Variants in CNTN4 observed in about 807,000 individuals in gnomAD.
CNTN4 encodes the protein contactin 4.
Under a neutral mutation model 122.5 loss-of-function variants are expected in CNTN4, and 77 were observed. The ratio of observed to expected loss-of-function variants is 0.63; its 90% CI spans 0.52 to 0.76. CNTN4 has a LOEUF of 0.76. CNTN4 is among the 30% of genes least tolerant of loss of function. CNTN4 has a pLI of 0.00. For synonymous variants in CNTN4, 512 were observed against 447.0 expected, an observed-to-expected ratio of 1.15 and a Z score of -1.83; for missense variants, 1,256 against 1,259.1, an observed-to-expected ratio of 1.00 and a Z score of 0.04.
chr3:2,840,183 TAAC>T (rs1444465949), intron 7 of CNTN4, among the ~76,000 whole-genome samples: 1 of 152,114 alleles, frequency 6.6e-6, no homozygotes. Flanking sequence ...GTCATTCTTA[TAAC>T]AACATAGCCT....
At chr3:2,916,901 G>A (rs1472436562) in intron 12 of CNTN4, among the ~76,000 whole-genome samples, 2 of 150,534 alleles carry the variant, frequency 1.3e-5, no homozygotes, top group African/African-American at 4.9e-5. Flanking sequence ...AGACGGGGTG[G>A]CGGCCGGGCA....
chr3:2,470,171 G>T (rs927212298), intron 3 of CNTN4, among the ~76,000 whole-genome samples: 1 of 151,892 alleles, frequency 6.6e-6, no homozygotes, highest in Non-Finnish European at 1.5e-5. Flanking sequence ...GTTCAAGCGA[G>T]GTTCAAGCAA....
intron 3 of CNTN4, among the ~76,000 whole-genome samples, chr3:2,496,427 C>G (rs1014084710): frequency 6.6e-6 from 1 of 152,132 alleles, no homozygotes; most frequent in African/African-American, 2.4e-5. Context: ...ATGTAACAGT[C>G]TGATACAAAT....
chr3:2,314,332 G>T (rs903759244), intron 2 of CNTN4, among the ~76,000 whole-genome samples: 1 of 151,966 alleles, frequency 6.6e-6, no homozygotes, highest in Admixed American at 6.6e-5. Context: ...GTAGCCAAGG[G>T]AGTTTCGAAA....
intron 5 of CNTN4, among the ~76,000 whole-genome samples, chr3:2,737,992 A>G (rs2089237614): frequency 6.6e-6 from 1 of 152,234 alleles, no homozygotes; most frequent in African/African-American, 2.4e-5. Context: ...GCAGAAAGAG[A>G]CAAAGGGAAG....
At chr3:2,365,125 CTG>C (rs1298267274) in intron 3 of CNTN4, among the ~76,000 whole-genome samples, 13 of 151,986 alleles carry the variant, frequency 8.6e-5, no homozygotes, top group Non-Finnish European at 1.6e-4. Context: ...ACAGAAAAGA[CTG>C]TAATGTGATT....
intron 3 of CNTN4, among the ~76,000 whole-genome samples, chr3:2,544,366 C>G (rs888336583): frequency 1.3e-5 from 2 of 152,016 alleles, no homozygotes; most frequent in Non-Finnish European, 2.9e-5. Flanking sequence ...TATTCTTAAA[C>G]AAGCTTGGTC....
At chr3:2,444,208 T>TA (rs36104812) in intron 3 of CNTN4, among the ~76,000 whole-genome samples, 12,008 of 136,238 alleles carry the variant, frequency 0.088, 1,144 homozygotes, top group East Asian at 0.5. Context: ...TGTATTCTAG[T>TA]AAAAAAAAAA....
chr3:2,864,297 G>T (rs1157303577), intron 7 of CNTN4, among the ~76,000 whole-genome samples: 2 of 152,044 alleles, frequency 1.3e-5, no homozygotes, highest in Non-Finnish European at 2.9e-5. Context: ...TGTTGTTGTT[G>T]TTCCTCTCCA....
intron 4 of CNTN4, among the ~76,000 whole-genome samples, chr3:2,702,856 T>A (rs1298185485): frequency 6.6e-6 from 1 of 152,208 alleles, no homozygotes; most frequent in Non-Finnish European, 1.5e-5. Flanking sequence ...GAGATTTCTT[T>A]TGTAGTTTGT....
intron 2 of CNTN4, among the ~76,000 whole-genome samples, chr3:2,168,544 C>G (rs900783124): frequency 6.6e-6 from 1 of 151,608 alleles, no homozygotes; most frequent in Non-Finnish European, 1.5e-5. Flanking sequence ...ACTCGAGAGG[C>G]TAGAAAATGA....
chr3:2,606,279 T>A (rs1346006164), intron 4 of CNTN4, among the ~76,000 whole-genome samples: 2 of 152,080 alleles, frequency 1.3e-5, no homozygotes, highest in Non-Finnish European at 2.9e-5. Context: ...GAGAACAATA[T>A]AACCTAATTT....
chr3:2,655,780 C>T (rs1052085378), intron 4 of CNTN4, among the ~76,000 whole-genome samples: 9 of 151,986 alleles, frequency 5.9e-5, no homozygotes, highest in Non-Finnish European at 1.0e-4. Context: ...TGCCTCTTTG[C>T]CAGAAGATGC....
chr3:2,597,365 A>G (rs1296803568), intron 4 of CNTN4, among the ~76,000 whole-genome samples: 3 of 152,212 alleles, frequency 2.0e-5, no homozygotes, highest in African/African-American at 7.2e-5. Context: ...TAGGTTCAGC[A>G]TTAACAATTT....
intron 2 of CNTN4, among the ~76,000 whole-genome samples, chr3:2,265,492 A>G (rs539694189): frequency 6.6e-6 from 1 of 152,024 alleles, no homozygotes; most frequent in African/African-American, 2.4e-5. Flanking sequence ...ATCACATAGT[A>G]TGATGCCTCT....
At chr3:2,334,424 G>T (rs567699088) in intron 2 of CNTN4, among the ~76,000 whole-genome samples, 8 of 152,230 alleles carry the variant, frequency 5.3e-5, no homozygotes, top group Non-Finnish European at 1.0e-4. Context: ...CTTCCAAATT[G>T]CTGGGATTAC....
intron 7 of CNTN4, among the ~76,000 whole-genome samples, chr3:2,862,076 T>C (rs995255486): frequency 1.4e-4 from 22 of 152,228 alleles, no homozygotes; most frequent in Non-Finnish European, 3.1e-4. Flanking sequence ...TAGACTTCAG[T>C]TTCCTGATAT....
chr3:2,645,112 T>C (rs2083062675), intron 4 of CNTN4, among the ~76,000 whole-genome samples: 1 of 152,076 alleles, frequency 6.6e-6, no homozygotes, highest in Non-Finnish European at 1.5e-5. Context: ...CTCTTTCTCT[T>C]ATTTTTCAGA....
chr3:2,608,693 G>A (rs1451491716), intron 4 of CNTN4, among the ~76,000 whole-genome samples: 1 of 150,024 alleles, frequency 6.7e-6, no homozygotes, highest in Non-Finnish European at 1.5e-5. Context: ...GTGTTGGCCA[G>A]GCTGATCTCG....
Sources: allele counts gnomAD v4.1 joint callset (sites outside exome capture counted in the v4.1 genomes callset), GRCh38; gene constraint gnomAD v4.1.1; transcripts MANE v1.5; gene names NCBI Gene and HGNC (gene_info 2026-07-23, HGNC 2026-07-21).